The following FAM168A variants were observed in gnomAD, a reference collection of about 807,000 sequenced individuals.
The protein encoded by FAM168A is family with sequence similarity 168 member A, also known as protein FAM168A.
FAM168A carries 3 observed loss-of-function variants against 28.5 expected under a neutral mutation model. The ratio of observed to expected loss-of-function variants is 0.11; its 90% CI spans 0.05 to 0.27. FAM168A has a LOEUF of 0.27. Among genes scored for constraint, FAM168A ranks in the 10% least tolerant of loss-of-function variants. The pLI is 1.00. For synonymous variants in FAM168A, 122 were observed against 124.2 expected (o/e 0.98, Z 0.12); for missense variants, 222 against 311.5 (o/e 0.71, Z 2.16).
At chr11:73,530,987 G>GA (rs909166395) in intron 1 of FAM168A, among the ~76,000 whole-genome samples, 3 of 151,944 alleles carry the variant, frequency 2.0e-5, no homozygotes, top group Non-Finnish European at 4.4e-5. Flanking sequence ...GTTGGCTGTT[G>GA]AAAAAAACGA....
chr11:73,499,345 G>A (rs1280008917), intron 1 of FAM168A, among the ~76,000 whole-genome samples: 1 of 152,008 alleles, frequency 6.6e-6, no homozygotes, highest in South Asian at 2.1e-4. Flanking sequence ...ACAAAAAAAG[G>A]CTCCCACAAA....
chr11:73,517,102 T>C (rs558897339), intron 1 of FAM168A, among the ~76,000 whole-genome samples: 2 of 152,328 alleles, frequency 1.3e-5, no homozygotes, highest in African/African-American at 4.8e-5. Context: ...TCTACATACT[T>C]GCAGTGGCAC....
rs186714985 is a variant in FAM168A, at chr11:73,515,859, T to C, written c.-18-47367A>G. Among the ~76,000 whole-genome samples, 635 of 152,136 alleles carry C rather than the reference T, an allele frequency of 4.2e-3. 13 individuals carry two copies. Among genetic ancestry groups the C allele is most frequent in the Non-Finnish European group, 4.0e-3 (273 of 68,000 alleles). On this transcript the variant is annotated intron_variant, in intron 1 of 7. Transcript: ENST00000356467. ...GGCTCACACCTGTAATCCCAGCACT[T>C]TGGGAGGCTGAGGCGGGCGGATCAC...
chr11:73,485,273 G>A (rs1389168527), intron 1 of FAM168A, among the ~76,000 whole-genome samples: 1 of 152,090 alleles, frequency 6.6e-6, no homozygotes, highest in East Asian at 1.9e-4. Context: ...AAATCCCTAA[G>A]TACTAGATCT....
chr11:73,402,906 T>C lies in FAM168A; in HGVS notation c.*3857A>G, dbSNP rs1287568642. 1 of 152,254 alleles carries C rather than the reference T, an allele frequency of 6.6e-6. No individual in the cohort carries two copies. The highest frequency in any genetic ancestry group is 1.5e-5 in the Non-Finnish European group (1 of 68,062). 9.4% of individuals were successfully genotyped at this position (152,254 alleles called of 1,614,324 possible). On this transcript the variant is annotated 3_prime_UTR_variant, in exon 8 of 8. Transcript: ENST00000356467. ...ATACAAATCTGCTCAGCTCAGAGAC[T>C]GGGCTTCCCAGCTCTATAAAGTACA...
intron 1 of FAM168A, among the ~76,000 whole-genome samples, chr11:73,490,617 T>A (rs1355756864): frequency 6.6e-6 from 1 of 152,218 alleles, no homozygotes; most frequent in African/African-American, 2.4e-5. Context: ...GGCTTTGGCA[T>A]CTATTCTCTC....
intron 1 of FAM168A, among the ~76,000 whole-genome samples, chr11:73,484,609 G>A (rs971322107): frequency 1.4e-4 from 14 of 97,210 alleles, no homozygotes; most frequent in Middle Eastern, 4.7e-3. Context: ...TATCTATATC[G>A]ATATATATCT....
intron 1 of FAM168A, among the ~76,000 whole-genome samples, chr11:73,517,776 G>A (rs975703754): frequency 1.3e-5 from 2 of 152,140 alleles, no homozygotes; most frequent in Non-Finnish European, 2.9e-5. Flanking sequence ...TTTTTAACAC[G>A]AAGGCAGATA....
chr11:73,579,176 A>G (rs1310792757), intron 1 of FAM168A, among the ~76,000 whole-genome samples: 1 of 152,116 alleles, frequency 6.6e-6, no homozygotes, highest in Non-Finnish European at 1.5e-5. Context: ...CCCACCCCAA[A>G]CATCACACTG....
intron 3 of FAM168A, among the ~76,000 whole-genome samples, chr11:73,429,104 G>A (rs1034886947): frequency 6.6e-6 from 1 of 152,164 alleles, no homozygotes; most frequent in Non-Finnish European, 1.5e-5. Context: ...GATAGGTCAG[G>A]TGACTCTAAG....
chr11:73,458,678 T>C (rs1867584812), intron 2 of FAM168A, among the ~76,000 whole-genome samples: 1 of 151,520 alleles, frequency 6.6e-6, no homozygotes, highest in Non-Finnish European at 1.5e-5. Context: ...TGGTGCGATC[T>C]CGGCTCACTG....
chr11:73,519,474 G>C (rs1210078726), intron 1 of FAM168A, among the ~76,000 whole-genome samples: 1 of 152,196 alleles, frequency 6.6e-6, no homozygotes, highest in Non-Finnish European at 1.5e-5. Flanking sequence ...AAGTGGGACA[G>C]ACTAATACAT....
rs75916395 is a variant in FAM168A at position 73,425,351 on chromosome 11, C to T, written c.151+5339G>A. Among the ~76,000 whole-genome samples, 7 of 152,328 alleles carry T rather than the reference C, an allele frequency of 4.6e-5. No homozygotes were observed. In the East Asian group the frequency reaches 1.4e-3, roughly 29 times the overall value. On this transcript the variant is annotated intron_variant, in intron 3 of 7. Coordinates refer to ENST00000356467, the MANE Select transcript of FAM168A (RefSeq NM_015159.3). The stretch of plus-strand genomic sequence containing the variant: ...TTTTTGCTTGTCTGTTATAAGAATA[C>T]ATTTCAGTTCTCCCAGGAACTGCAG...
In FAM168A at chr11:73,590,407, G is replaced by T. The variant is rs1317748661; in HGVS notation, c.-19+7516C>A. 2.0e-5 allele frequency among the ~76,000 whole-genome samples: 3 copies of T among 152,180 alleles called. No homozygotes were observed. The East Asian group carries it at 5.8e-4, about 29-fold the overall frequency. Reference sequence around the variant, plus strand: ...TGGAGTTGTCAATAAATATGAATGTGAAGACACCAAAATGTTTGAGAAACT... The same window carrying T: ...TGGAGTTGTCAATAAATATGAATGTTAAGACACCAAAATGTTTGAGAAACT... On this transcript the variant is annotated intron_variant, in intron 1 of 7. Coordinates refer to ENST00000356467, the MANE Select transcript of FAM168A (RefSeq NM_015159.3).
At chr11:73,419,357 T>TA (rs1866752760) in intron 4 of FAM168A, among the ~76,000 whole-genome samples, 2 of 152,176 alleles carry the variant, frequency 1.3e-5, no homozygotes, top group South Asian at 4.1e-4. Context: ...AAGGGACACT[T>TA]AGCAATGTTT....
At chr11:73,554,936 G>A (rs781505347) in intron 1 of FAM168A, among the ~76,000 whole-genome samples, 2 of 152,172 alleles carry the variant, frequency 1.3e-5, no homozygotes, top group Non-Finnish European at 2.9e-5. Flanking sequence ...TCAAGATCAT[G>A]GAACCTGTCA....
intron 1 of FAM168A, among the ~76,000 whole-genome samples, chr11:73,558,602 C>CAA (rs374529606): frequency 5.6e-4 from 65 of 115,666 alleles, no homozygotes; most frequent in African/African-American, 2.0e-3. Flanking sequence ...AACAAAAAGG[C>CAA]AAAAAAAAAA....
At chr11:73,571,372 A>T (rs1477626477) in intron 1 of FAM168A, among the ~76,000 whole-genome samples, 1 of 151,008 alleles carries the variant, frequency 6.6e-6, no homozygotes, top group Non-Finnish European at 1.5e-5. Flanking sequence ...CAGCCTGCCG[A>T]GTGCCTGCGA....
At chr11:73,589,814 C>A (rs1264766632) in intron 1 of FAM168A, among the ~76,000 whole-genome samples, 2 of 152,176 alleles carry the variant, frequency 1.3e-5, no homozygotes, top group African/African-American at 4.8e-5. Context: ...GTAGTCCCAG[C>A]TATTTGGGAG....
Sources: allele counts gnomAD v4.1 joint callset (sites outside exome capture counted in the v4.1 genomes callset), GRCh38; gene constraint gnomAD v4.1.1; transcripts MANE v1.5; gene names NCBI Gene and HGNC (gene_info 2026-07-23, HGNC 2026-07-21).